Variants in FBXL17 observed in about 807,000 individuals in gnomAD.
FBXL17 encodes the protein F-box/LRR-repeat protein 17.
In FBXL17, 22 loss-of-function variants were observed where a neutral mutation model predicts 66.2. The ratio of observed to expected loss-of-function variants is 0.33; its 90% CI spans 0.24 to 0.47. The LOEUF is 0.47. Ranked by LOEUF, FBXL17 falls within the 20% of genes least tolerant of loss-of-function variation. The probability of loss-of-function intolerance (pLI) is 1.00; values close to 1 mark genes in which losing one functional copy is unlikely to be tolerated. For missense variants in FBXL17, 878 were observed against 948.2 expected, an observed-to-expected ratio of 0.93 and a Z score of 0.97; for synonymous variants, 474 against 400.5, an observed-to-expected ratio of 1.18 and a Z score of -2.19.
chr5:108,090,820 G>A lies in FBXL17; in HGVS notation c.1746-69819C>T, dbSNP rs116420019. On this transcript the variant is annotated intron_variant, in intron 6 of 8. Transcript: ENST00000542267. ...GACCCTCTATCTCACAAGACTTACCGGGGTTTCTCAGAGCACATACCTTGG... is the reference window on the plus strand; with the variant it reads ...GACCCTCTATCTCACAAGACTTACCAGGGTTTCTCAGAGCACATACCTTGG... 2.3e-4 allele frequency among the ~76,000 whole-genome samples: 35 copies of A among 152,266 alleles called. 1 individual carries two copies. Among genetic ancestry groups the A allele is most frequent in the Middle Eastern group, 3.4e-3 (1 of 294 alleles).
chr5:108,263,566 CTA>C (rs1756922487), intron 4 of FBXL17, among the ~76,000 whole-genome samples: 1 of 152,152 alleles, frequency 6.6e-6, no homozygotes, highest in Non-Finnish European at 1.5e-5. Context: ...TCACTAATCT[CTA>C]TTCAGCATTT....
chr5:108,226,391 A>AT (rs1245583463), intron 4 of FBXL17, among the ~76,000 whole-genome samples: 1 of 152,034 alleles, frequency 6.6e-6, no homozygotes, highest in Non-Finnish European at 1.5e-5. Flanking sequence ...ACTTTATTTT[A>AT]TTTTTAGACA....
intron 4 of FBXL17, among the ~76,000 whole-genome samples, chr5:108,244,911 T>C (rs1423921515): frequency 6.6e-6 from 1 of 152,176 alleles, no homozygotes; most frequent in Non-Finnish European, 1.5e-5. Context: ...AAATAACTGT[T>C]TGATACTTGA....
At chr5:108,264,118 G>C (rs890210774) in intron 4 of FBXL17, among the ~76,000 whole-genome samples, 5 of 150,732 alleles carry the variant, frequency 3.3e-5, no homozygotes, top group African/African-American at 1.2e-4. Context: ...AGGAAGCTGG[G>C]GGAGGAGAAC....
chr5:108,185,467 C>A (rs1438098095), intron 6 of FBXL17, among the ~76,000 whole-genome samples: 1 of 152,160 alleles, frequency 6.6e-6, no homozygotes, highest in Non-Finnish European at 1.5e-5. Context: ...TTTCCTGAGG[C>A]TTCTCCAGCC....
chr5:107,909,210 T>C (rs889056789), intron 7 of FBXL17, among the ~76,000 whole-genome samples: 2 of 152,162 alleles, frequency 1.3e-5, no homozygotes, highest in Admixed American at 1.3e-4. Context: ...GGCTCATTAT[T>C]AACTCATTTA....
At chr5:108,221,253 C>T (rs143801529) in intron 5 of FBXL17, among the ~76,000 whole-genome samples, 34 of 152,250 alleles carry the variant, frequency 2.2e-4, no homozygotes, top group African/African-American at 6.0e-4. Context: ...AATGTCCTTC[C>T]ATCTATTCCC....
rs1222934893 is a variant in FBXL17 at position 107,918,037 on chromosome 5, CCTT to C, written c.1823-36861_1823-36859del. Among the ~76,000 whole-genome samples the C allele has an allele frequency of 2.2e-4, 33 of 152,182 alleles. 1 individual carries two copies. Among genetic ancestry groups the C allele is most frequent in the African/African-American group, 7.0e-4 (29 of 41,446 alleles). On this transcript the variant is annotated intron_variant, in intron 7 of 8. Transcript: ENST00000542267. ...TAATAACAATCCTCAGTGAAGGTCT[CCTT>C]CTACCTTCCACATTTTTGGCTTGCC...
intron 7 of FBXL17, among the ~76,000 whole-genome samples, chr5:107,989,864 T>G (rs778244582): frequency 6.6e-6 from 1 of 152,116 alleles, no homozygotes; most frequent in Admixed American, 6.6e-5. Context: ...AAATATAAAA[T>G]TGGTTAATTT....
At chr5:108,013,380 T>C (rs1179337737) in intron 7 of FBXL17, among the ~76,000 whole-genome samples, 1 of 152,208 alleles carries the variant, frequency 6.6e-6, no homozygotes, top group Non-Finnish European at 1.5e-5. Context: ...GGATGATTTC[T>C]ATTCTTTCTT....
At chr5:108,167,606 C>G (rs1311131380) in intron 6 of FBXL17, among the ~76,000 whole-genome samples, 2 of 152,192 alleles carry the variant, frequency 1.3e-5, no homozygotes, top group Non-Finnish European at 2.9e-5. Flanking sequence ...CTGAGTCTAA[C>G]TGACCTTCTC....
chr5:107,913,600 T>A (rs76431607), intron 7 of FBXL17, among the ~76,000 whole-genome samples: 4 of 151,978 alleles, frequency 2.6e-5, no homozygotes, highest in Non-Finnish European at 5.9e-5. Flanking sequence ...TTAAGTGAAG[T>A]AGGTCCACCA....
At chr5:108,356,428 C>CA (rs754318280) in intron 3 of FBXL17, among the ~76,000 whole-genome samples, 11 of 152,032 alleles carry the variant, frequency 7.2e-5, no homozygotes, top group Non-Finnish European at 1.6e-4. Flanking sequence ...TGGACATGCC[C>CA]AAAATGTCCT....
intron 6 of FBXL17, among the ~76,000 whole-genome samples, chr5:108,114,397 T>TATTA (rs57402600): frequency 0.65 from 99,149 of 151,518 alleles, 33,393 homozygotes; most frequent in East Asian, 0.92. Flanking sequence ...TCATCATTTA[T>TATTA]ATTGAGTGTT....
At chr5:108,315,644 T>C (rs1759328376) in intron 4 of FBXL17, among the ~76,000 whole-genome samples, 1 of 151,196 alleles carries the variant, frequency 6.6e-6, no homozygotes, top group Non-Finnish European at 1.5e-5. Context: ...AAAAAATCCT[T>C]TAAGCAACAA....
chr5:108,112,595 A>G (rs1291088787), intron 6 of FBXL17, among the ~76,000 whole-genome samples: 1 of 152,216 alleles, frequency 6.6e-6, no homozygotes, highest in Non-Finnish European at 1.5e-5. Flanking sequence ...ACAGGAAAAC[A>G]TATCCCATGA....
rs374398259 is a variant in FBXL17, at chr5:107,993,673, T to C, written c.1822+27252A>G. Among the ~76,000 whole-genome samples the C allele has an allele frequency of 6.6e-5, 10 of 152,344 alleles. No homozygotes were observed. The East Asian group carries it at 1.9e-3, about 29-fold the overall frequency. ...ACATTTTCCTACTGTTTTCCATTTT[T>C]ACATCTGATGTCTACTTTAAACATG... On this transcript the variant is annotated intron_variant, in intron 7 of 8. Transcript: ENST00000542267.
At chr5:107,974,732 G>A (rs1406813528) in intron 7 of FBXL17, among the ~76,000 whole-genome samples, 2 of 151,878 alleles carry the variant, frequency 1.3e-5, no homozygotes, top group African/African-American at 4.8e-5. Context: ...TTATGCAACT[G>A]CTTATTAGAT....
chr5:107,915,518 A>T (rs1380133288), intron 7 of FBXL17, among the ~76,000 whole-genome samples: 1 of 152,198 alleles, frequency 6.6e-6, no homozygotes, highest in Non-Finnish European at 1.5e-5. Context: ...GAAAAAATAC[A>T]CAACAGTCTT....
Sources: gnomAD v4.1 joint callset for allele counts (sites outside exome capture counted in the v4.1 genomes callset) on GRCh38, gnomAD v4.1.1 for gene constraint, MANE v1.5 for transcripts, NCBI Gene and HGNC (gene_info 2026-07-23, HGNC 2026-07-21) for gene names.